IGF1R: variants seen among roughly 807,000 people sequenced by gnomAD.
The protein encoded by IGF1R is insulin-like growth factor 1 receptor.
A neutral mutation model predicts 144.6 loss-of-function variants in IGF1R; 44 were observed. The observed-to-expected ratio is 0.30, with a 90% CI of 0.24 to 0.39. IGF1R has a LOEUF of 0.39. Ranked by LOEUF, IGF1R falls within the 10% of genes least tolerant of loss-of-function variation. The pLI, the probability that IGF1R is intolerant of heterozygous loss-of-function variation, is 1.00. For synonymous variants in IGF1R, 795 were observed against 722.8 expected (o/e 1.10, Z -1.60); for missense variants, 1,355 against 1,833.7 (o/e 0.74, Z 4.77).
intron 1 of IGF1R, among the ~76,000 whole-genome samples, chr15:98,691,039 T>TA (rs1278269683): frequency 2.0e-5 from 3 of 152,222 alleles, no homozygotes; most frequent in Non-Finnish European, 4.4e-5. Context: ...ATGTACCTCT[T>TA]AACAGCTTCG....
intron 2 of IGF1R, among the ~76,000 whole-genome samples, chr15:98,854,182 G>T (rs542509881): frequency 4.9e-4 from 74 of 152,296 alleles, no homozygotes; most frequent in Admixed American, 1.2e-3. Context: ...GGGCCATGAG[G>T]TTCTGGGCAT....
intron 2 of IGF1R, among the ~76,000 whole-genome samples, chr15:98,771,132 G>C (rs2055572821): frequency 6.6e-6 from 1 of 152,128 alleles, no homozygotes; most frequent in Non-Finnish European, 1.5e-5. Context: ...CTTCACGGAG[G>C]GGGAGTCAGT....
Position 98,908,694 on chromosome 15 carries a change from C to T in IGF1R, c.1257C>T (p.Ser419=), listed in dbSNP as rs760050724. The change falls in exon 6 of 21, where the codon TCC becomes TCT. Residue 419 remains serine (S), a synonymous_variant. Coordinates refer to ENST00000650285, the MANE Select transcript of IGF1R (RefSeq NM_000875.5). The part of the protein sequence containing the change: ...LGEEQLEGNY[S]FYVLDNQNLQ... Reference sequence around the variant, plus strand: ...ATTTCTGTGCTTCTAGGAATTACTCCTTCTACGTCCTCGACAACCAGAACT... The same window carrying T: ...ATTTCTGTGCTTCTAGGAATTACTCTTTCTACGTCCTCGACAACCAGAACT... The T allele has an allele frequency of 6.2e-7, 1 of 1,613,862 alleles. No individual in the cohort carries two copies. The highest frequency in any genetic ancestry group is 8.5e-7 in the Non-Finnish European group (1 of 1,179,844).
intron 2 of IGF1R, among the ~76,000 whole-genome samples, chr15:98,747,794 A>G (rs934290980): frequency 7.9e-5 from 12 of 152,194 alleles, no homozygotes; most frequent in African/African-American, 2.9e-4. Flanking sequence ...TGATACTATG[A>G]CCAAATTTGG....
chr15:98,674,896 C>T (rs1027623079), intron 1 of IGF1R, among the ~76,000 whole-genome samples: 10 of 149,674 alleles, frequency 6.7e-5, no homozygotes, highest in African/African-American at 2.2e-4. Context: ...AACATTATAT[C>T]TTTATCACCT....
intron 2 of IGF1R, among the ~76,000 whole-genome samples, chr15:98,883,462 A>G (rs2013480908): frequency 6.6e-6 from 1 of 152,232 alleles, no homozygotes; most frequent in Admixed American, 6.5e-5. Flanking sequence ...CCAACCTAGC[A>G]GACTTGTTTA....
intron 2 of IGF1R, among the ~76,000 whole-genome samples, chr15:98,836,391 G>A (rs756339042): frequency 6.6e-6 from 1 of 151,936 alleles, no homozygotes; most frequent in Admixed American, 6.6e-5. Flanking sequence ...GTGGTGGCAC[G>A]TGGCTGTAGT....
Position 98,916,610 on chromosome 15 carries a change from C to T in IGF1R, c.1997-62C>T, listed in dbSNP as rs892517275. On this transcript the variant is annotated intron_variant, in intron 9 of 20. Transcript: ENST00000650285. ...AAGGTACTGAGAGCTATTATTTTTCCTTACAAGCATGTATAACGGCTTTCA... is the reference window on the plus strand; with the variant it reads ...AAGGTACTGAGAGCTATTATTTTTCTTTACAAGCATGTATAACGGCTTTCA... The T allele has an allele frequency of 2.9e-6, 4 of 1,398,396 alleles. No homozygotes were observed. In the African/African-American group the frequency reaches 5.7e-5, roughly 20 times the overall value. The allele number at this position is 1,398,396 out of a possible 1,614,324, so 86.6% of individuals were successfully genotyped here.
chr15:98,836,346 A>G (rs544784711), intron 2 of IGF1R, among the ~76,000 whole-genome samples: 6 of 152,032 alleles, frequency 3.9e-5, no homozygotes, highest in Non-Finnish European at 7.4e-5. Flanking sequence ...CTGTGAGACT[A>G]TCTCTACAAA....
At chr15:98,950,496 C>T (rs1234448784) in intron 20 of IGF1R, among the ~76,000 whole-genome samples, 1 of 152,194 alleles carries the variant, frequency 6.6e-6, no homozygotes, top group Non-Finnish European at 1.5e-5. Flanking sequence ...GACTGAGGTC[C>T]CCATATTCTT....
At position 98,959,600 on chromosome 15, in the gene IGF1R, C is replaced by T. The variant is rs1408798075; in HGVS notation, c.*2158C>T. The T allele has an allele frequency of 2.1e-5, 5 of 233,558 alleles. No individual in the cohort carries two copies. Among genetic ancestry groups the T allele is most frequent in the East Asian group, 6.0e-5 (1 of 16,582 alleles). 14.5% of individuals were successfully genotyped at this position (233,558 alleles called of 1,614,324 possible). ...GCTGTGGTGCTGGCCCACTTTCCCT[C>T]GGCCAGGAATCCAGGTCCTTGGGGC... On this transcript the variant is annotated 3_prime_UTR_variant, in exon 21 of 21. Coordinates refer to ENST00000650285, the MANE Select transcript of IGF1R (RefSeq NM_000875.5).
intron 17 of IGF1R, 146 bp from the exon 18 acceptor site, chr15:98,939,055 G>A (rs1178037366): frequency 2.9e-6 from 2 of 693,376 alleles, no homozygotes; most frequent in Non-Finnish European, 5.1e-6. Context: ...ATGATGGTTT[G>A]TTCCTTCCGA....
intron 2 of IGF1R, among the ~76,000 whole-genome samples, chr15:98,761,710 C>T (rs8038291): frequency 1.3e-5 from 2 of 152,246 alleles, no homozygotes; most frequent in African/African-American, 4.8e-5. Context: ...TGAGCTTGAA[C>T]TGTTGTCCCT....
At chr15:98,793,988 G>C (rs577292520) in intron 2 of IGF1R, among the ~76,000 whole-genome samples, 241 of 152,296 alleles carry the variant, frequency 1.6e-3, no homozygotes, top group African/African-American at 5.5e-3. Context: ...GAAGCAGGGG[G>C]CACAGTGGCG....
intron 2 of IGF1R, among the ~76,000 whole-genome samples, chr15:98,795,094 C>T (rs1468515871): frequency 1.3e-5 from 2 of 151,404 alleles, no homozygotes; most frequent in African/African-American, 4.9e-5. Flanking sequence ...AAATTATGTT[C>T]ATAACATTTA....
intron 2 of IGF1R, among the ~76,000 whole-genome samples, chr15:98,875,525 A>G (rs2013018261): frequency 6.6e-6 from 1 of 151,538 alleles, no homozygotes; most frequent in Non-Finnish European, 1.5e-5. Flanking sequence ...ATGTGGATGC[A>G]TGGGCAGTTA....
chr15:98,671,188 C>T (rs913960470), intron 1 of IGF1R, among the ~76,000 whole-genome samples: 1 of 152,206 alleles, frequency 6.6e-6, no homozygotes, highest in African/African-American at 2.4e-5. Flanking sequence ...AGCATTCATG[C>T]AGGTTCATTG....
Position 98,959,110 on chromosome 15 carries a change from C to A in IGF1R, c.*1668C>A, listed in dbSNP as rs541647710. On this transcript the variant is annotated 3_prime_UTR_variant, in exon 21 of 21. Transcript: ENST00000650285. ...AGAAAAACAAAGGTTAAATATTTCACACGTCTTTGTTCAGTGTTTCCACTC... is the reference window on the plus strand; with the variant it reads ...AGAAAAACAAAGGTTAAATATTTCAAACGTCTTTGTTCAGTGTTTCCACTC... 4.3e-5 allele frequency: 10 copies of A among 233,330 alleles called. 1 individual carries two copies. In the South Asian group the frequency reaches 1.8e-3, roughly 42 times the overall value. 14.5% of individuals were successfully genotyped at this position (233,330 alleles called of 1,614,324 possible).
Position 98,960,966 on chromosome 15 carries a change from T to C in IGF1R, c.*3524T>C. ...TCCTGCTGCTCACAGGACAGACGGC[T>C]CGCTCCCCTCTTCCAGCAGCTGCTC... On this transcript the variant is annotated 3_prime_UTR_variant, in exon 21 of 21. Coordinates refer to ENST00000650285, the MANE Select transcript of IGF1R (RefSeq NM_000875.5). 4.3e-6 allele frequency: 1 copy of C among 233,768 alleles called. No individual in the cohort carries two copies. Among genetic ancestry groups the C allele is most frequent in the Non-Finnish European group, 8.5e-6 (1 of 118,128 alleles). 14.5% of individuals were successfully genotyped at this position (233,768 alleles called of 1,614,324 possible).
Sources: allele counts gnomAD v4.1 joint callset (sites outside exome capture counted in the v4.1 genomes callset), GRCh38; gene constraint gnomAD v4.1.1; transcripts MANE v1.5; gene names NCBI Gene and HGNC (gene_info 2026-07-23, HGNC 2026-07-21).